Variants in AGAP1 observed in about 807,000 individuals in gnomAD.
The protein encoded by AGAP1 is arf-GAP with GTPase, ANK repeat and PH domain-containing protein 1.
AGAP1 carries 29 observed loss-of-function variants against 105.3 expected under a neutral mutation model. That is an observed-to-expected ratio of 0.28 (90% CI 0.21 to 0.38). The LOEUF is 0.38. Among genes scored for constraint, AGAP1 ranks in the 10% least tolerant of loss-of-function variants. The probability of loss-of-function intolerance (pLI) is 1.00; values close to 1 mark genes in which losing one functional copy is unlikely to be tolerated. For missense variants in AGAP1, 998 were observed against 1,165.1 expected (o/e 0.86, Z 2.09); for synonymous variants, 509 against 485.9 (o/e 1.05, Z -0.63).
chr2:235,841,472 TAAAC>T, intron 9 of AGAP1, among the ~76,000 whole-genome samples: 1 of 152,122 alleles, frequency 6.6e-6, no homozygotes, highest in African/African-American at 2.4e-5. Context: ...GTACAACAAA[TAAAC>T]AGATTAGCCA....
chr2:235,532,878 G>A (rs865951759), intron 1 of AGAP1, among the ~76,000 whole-genome samples: 7 of 152,124 alleles, frequency 4.6e-5, no homozygotes, highest in Admixed American at 1.3e-4. Flanking sequence ...GTGAACAGCC[G>A]TGGGCTACTT....
intron 1 of AGAP1, among the ~76,000 whole-genome samples, chr2:235,522,660 G>C (rs956380475): frequency 3.3e-5 from 5 of 152,156 alleles, no homozygotes; most frequent in African/African-American, 1.2e-4. Context: ...TGAAGAGGCT[G>C]GCCACAAGGC....
chr2:236,098,236 G>A (rs1043991405), intron 16 of AGAP1, among the ~76,000 whole-genome samples: 2 of 152,074 alleles, frequency 1.3e-5, no homozygotes, highest in African/African-American at 4.8e-5. Context: ...CTAATTCCAC[G>A]CTGAACCGTC....
intron 6 of AGAP1, among the ~76,000 whole-genome samples, chr2:235,784,841 G>T (rs1956521716): frequency 6.6e-6 from 1 of 152,118 alleles, no homozygotes; most frequent in African/African-American, 2.4e-5. Flanking sequence ...ATCAGAAAAG[G>T]TAGGTTTCTG....
rs1245766998 is a variant in AGAP1, at chr2:235,584,926, A to G, written c.163+90077A>G. On this transcript the variant is annotated intron_variant, in intron 1 of 17. Coordinates refer to ENST00000304032, the MANE Select transcript of AGAP1 (RefSeq NM_001037131.3). ...CCTTTTTTTTTTTTTTTTTTTTTTT[A>G]AAGAAAACCCAAAACCAAAAAACTC... is the stretch of plus-strand genomic sequence containing the variant. 4.9e-4 allele frequency among the ~76,000 whole-genome samples: 21 copies of G among 42,646 alleles called. No homozygotes were observed. The South Asian group carries it at 0.013, about 27-fold the overall frequency. The allele number at this position is 42,646 out of a possible 152,430, so 28.0% of individuals were successfully genotyped here. A position where few individuals can be genotyped will look rare whatever the true frequency, so the allele number is the denominator to read the frequency against.
chr2:235,614,938 A>T lies in AGAP1; in HGVS notation c.164-94241A>T, dbSNP rs1946260218. ...CAACAAATTTGGTTCACTGGGGCCG[A>T]CTTGAAAATAGTCAAAGTCCAAGTA... On this transcript the variant is annotated intron_variant, in intron 1 of 17. Coordinates refer to ENST00000304032, the MANE Select transcript of AGAP1 (RefSeq NM_001037131.3). The surrounding 1 kb of genome is among the most constrained non-coding windows in gnomAD (Gnocchi z 4.7). Among the ~76,000 whole-genome samples the T allele has an allele frequency of 6.6e-6, 1 of 152,208 alleles. No individual in the cohort carries two copies. The highest frequency in any genetic ancestry group is 1.9e-4 in the East Asian group (1 of 5,198).
rs143262903 is a variant in AGAP1 at position 235,869,216 on chromosome 2, C to T, written c.1051-14129C>T. ...CCCTTGGTTTGTACCTCGAATCTTG[C>T]GCCTGTTTCTTCCCCTTACTGCCGT... On this transcript the variant is annotated intron_variant, in intron 9 of 17. Transcript: ENST00000304032. 2.2e-3 allele frequency among the ~76,000 whole-genome samples: 329 copies of T among 152,026 alleles called. 2 individuals carry two copies. The highest frequency in any genetic ancestry group is 7.5e-3 in the African/African-American group (313 of 41,492).
intron 1 of AGAP1, among the ~76,000 whole-genome samples, chr2:235,498,191 T>A (rs775347951): frequency 5.3e-5 from 8 of 152,224 alleles, no homozygotes; most frequent in Admixed American, 2.6e-4. Context: ...TAATCCTGTT[T>A]GTAGGCATGG....
Position 235,609,784 on chromosome 2 carries a change from C to G in AGAP1, c.164-99395C>G, listed in dbSNP as rs1946066592. Among the ~76,000 whole-genome samples the G allele has an allele frequency of 6.6e-6, 1 of 152,032 alleles. No individual in the cohort carries two copies. The highest frequency in any genetic ancestry group is 2.4e-5 in the African/African-American group (1 of 41,382). On this transcript the variant is annotated intron_variant, in intron 1 of 17. Coordinates refer to ENST00000304032, the MANE Select transcript of AGAP1 (RefSeq NM_001037131.3). This position sits in a 1 kb window ranked among gnomAD's most constrained non-coding sequence, Gnocchi z 5.1. ...CCACTTTCACTCCCAACTCACAGGCCAGAAAGTGTAGTGGGAGGCTGTGGG... is the reference window on the plus strand; with the variant it reads ...CCACTTTCACTCCCAACTCACAGGCGAGAAAGTGTAGTGGGAGGCTGTGGG...
chr2:235,827,022 A>C (rs1017077079), intron 9 of AGAP1, among the ~76,000 whole-genome samples: 31 of 152,114 alleles, frequency 2.0e-4, no homozygotes, highest in African/African-American at 7.5e-4. Flanking sequence ...GGCTCATCCT[A>C]AGCAGGGCAA....
intron 13 of AGAP1, among the ~76,000 whole-genome samples, chr2:235,987,138 T>G (rs1434492773): frequency 3.3e-5 from 5 of 150,060 alleles, no homozygotes; most frequent in African/African-American, 7.4e-5. Flanking sequence ...TTTATTTATT[T>G]ATTGGTTGGT....
At position 235,893,118 on chromosome 2, in the gene AGAP1, A is replaced by C. The variant is rs1433736341; in HGVS notation, c.1155+9669A>C. Among the ~76,000 whole-genome samples, 1 of 151,020 alleles carries C rather than the reference A, an allele frequency of 6.6e-6. No homozygotes were observed. Among genetic ancestry groups the C allele is most frequent in the Non-Finnish European group, 1.5e-5 (1 of 67,764 alleles). On this transcript the variant is annotated intron_variant, in intron 10 of 17. Transcript: ENST00000304032. This position sits in a 1 kb window ranked among gnomAD's most constrained non-coding sequence, Gnocchi z 4.7. ...GGTGCGGGTGTGCTGTGTCCTCATA[A>C]GGGTGCGCCATGTCTGTGGCGTAGT...
At chr2:236,100,669 A>G (rs1199914689) in intron 16 of AGAP1, among the ~76,000 whole-genome samples, 1 of 152,104 alleles carries the variant, frequency 6.6e-6, no homozygotes, top group East Asian at 1.9e-4. Flanking sequence ...TACTAAAAAT[A>G]CAAAAAAGAT....
At chr2:235,675,173 G>A (rs542833964) in intron 1 of AGAP1, among the ~76,000 whole-genome samples, 1 of 139,746 alleles carries the variant, frequency 7.2e-6, no homozygotes, top group African/African-American at 2.7e-5. Flanking sequence ...TTTGTTGGTT[G>A]GTTGGTTGGT....
chr2:235,723,477 G>A lies in AGAP1; in HGVS notation c.310+5833G>A, dbSNP rs1016167193. On this transcript the variant is annotated intron_variant, in intron 3 of 17. Transcript: ENST00000304032. The surrounding 1 kb of genome is among the most constrained non-coding windows in gnomAD (Gnocchi z 6.2). The stretch of plus-strand genomic sequence containing the variant: ...TTCACCCCCTGCAGGTGGGGAGAGT[G>A]TGGCGTCCTCCTGAGATCTTTTCAG... 7.9e-5 allele frequency among the ~76,000 whole-genome samples: 12 copies of A among 152,226 alleles called. No individual in the cohort carries two copies. Among genetic ancestry groups the A allele is most frequent in the African/African-American group, 2.9e-4 (12 of 41,460 alleles).
chr2:235,686,860 T>C (rs1376773566), intron 1 of AGAP1, among the ~76,000 whole-genome samples: 1 of 150,754 alleles, frequency 6.6e-6, no homozygotes, highest in Non-Finnish European at 1.5e-5. Flanking sequence ...GATGAGGTCT[T>C]ACTGTGCTGC....
At chr2:236,059,966 C>G (rs372373749) in intron 16 of AGAP1, among the ~76,000 whole-genome samples, 2 of 152,156 alleles carry the variant, frequency 1.3e-5, no homozygotes, top group Admixed American at 6.5e-5. Flanking sequence ...TGGCATGCAC[C>G]TGTAACGCCA....
intron 16 of AGAP1, among the ~76,000 whole-genome samples, chr2:236,108,831 C>T (rs1044761667): frequency 6.6e-6 from 1 of 152,052 alleles, no homozygotes; most frequent in Non-Finnish European, 1.5e-5. Context: ...CTGAGGTGGA[C>T]GTCTGGCTGC....
chr2:236,086,407 A>G (rs1003615080), intron 16 of AGAP1, among the ~76,000 whole-genome samples: 1 of 152,186 alleles, frequency 6.6e-6, no homozygotes, highest in Non-Finnish European at 1.5e-5. Flanking sequence ...CACAGTGTAT[A>G]TTGTTCTTTA....
Sources: allele counts gnomAD v4.1 joint callset (sites outside exome capture counted in the v4.1 genomes callset), GRCh38; gene constraint gnomAD v4.1.1; non-coding constraint Gnocchi (gnomAD v3.1); transcripts MANE v1.5; gene names NCBI Gene and HGNC (gene_info 2026-07-23, HGNC 2026-07-21).